Variants in ACP3 observed in about 807,000 individuals in gnomAD.
ACP3 encodes acid phosphatase 3.
Under a neutral mutation model 45.6 loss-of-function variants are expected in ACP3, and 38 were observed. The observed-to-expected ratio is 0.83, with a 90% CI of 0.64 to 1.09. The LOEUF is 1.09. Ranked by LOEUF, ACP3 falls within the 50% of genes least tolerant of loss-of-function variation. The pLI, the probability that ACP3 is intolerant of heterozygous loss-of-function variation, is 0.00. For missense variants in ACP3, 466 were observed against 463.2 expected (o/e 1.01, Z -0.05); for synonymous variants, 162 against 164.7 (o/e 0.98, Z 0.13).
chr3:132,358,777 G>T lies in ACP3; in HGVS notation c.*1899G>T, dbSNP rs374434740. The T allele has an allele frequency of 4.1e-6, 4 of 986,702 alleles. No individual in the cohort carries two copies. The highest frequency in any genetic ancestry group is 1.7e-5 in the African/African-American group (1 of 57,290). 61.1% of individuals were successfully genotyped at this position (986,702 alleles called of 1,614,324 possible). A position where few individuals can be genotyped will look rare whatever the true frequency, so the allele number is the denominator to read the frequency against. Reference sequence around the variant, plus strand: ...AGTTCAAAAGCATTGCTTTTATAATGAACTTAGAAAAACGTATGTGTGTGT... The same window carrying T: ...AGTTCAAAAGCATTGCTTTTATAATTAACTTAGAAAAACGTATGTGTGTGT... On this transcript the variant is annotated 3_prime_UTR_variant, in exon 10 of 10. Coordinates refer to ENST00000336375, the MANE Select transcript of ACP3 (RefSeq NM_001099.5).
rs775025770 is a variant in ACP3 at position 132,332,145 on chromosome 3, C to T, written c.304-47C>T. 8 of 1,612,066 alleles carry T rather than the reference C, an allele frequency of 5.0e-6. No homozygotes were observed. In the South Asian group the frequency reaches 7.7e-5, roughly 16 times the overall value. ...CCTTGGCAGCTCTGTAGAAAAAAACCTCATGCTCCCTTTACGTTCGCTTCT... is the reference window on the plus strand; with the variant it reads ...CCTTGGCAGCTCTGTAGAAAAAAACTTCATGCTCCCTTTACGTTCGCTTCT... On this transcript the variant is annotated intron_variant, in intron 3 of 9. Transcript: ENST00000336375.
intron 1 of ACP3, among the ~76,000 whole-genome samples, chr3:132,319,631 T>G (rs1308598630): frequency 6.6e-6 from 1 of 152,242 alleles, no homozygotes; most frequent in Non-Finnish European, 1.5e-5. Context: ...TTGTAAAACT[T>G]ATTATTCCTA....
chr3:132,362,794 C>T (rs1479474505), downstream of ACP3, among the ~76,000 whole-genome samples: 3 of 152,138 alleles, frequency 2.0e-5, no homozygotes, highest in Non-Finnish European at 4.4e-5. Flanking sequence ...CAGCATAGAG[C>T]ACTTTGGGAA....
At chr3:132,342,681 T>TCCA (rs753937634) in intron 6 of ACP3, 37 bp downstream of exon 6, 1 of 1,236,798 alleles carries the variant, frequency 8.1e-7, no homozygotes, top group Non-Finnish European at 1.2e-6. Flanking sequence ...ACTTGCAATC[T>TCCA]GATTTTATGA....
intron 6 of ACP3, among the ~76,000 whole-genome samples, chr3:132,344,714 T>G (rs1287502503): frequency 6.6e-6 from 1 of 152,146 alleles, no homozygotes; most frequent in Non-Finnish European, 1.5e-5. Flanking sequence ...CCAAAAGCTA[T>G]GGACTGGGTA....
Position 132,357,171 on chromosome 3 carries a change from A to G in ACP3, c.*293A>G. On this transcript the variant is annotated 3_prime_UTR_variant, in exon 10 of 10. Transcript: ENST00000336375. ...TTAGGTCAAAGTTCATAGAGTTCCC[A>G]TGAACTATATGACTGGCCACACAGG... 1 of 1,085,126 alleles carries G rather than the reference A, an allele frequency of 9.2e-7. No homozygotes were observed. Among genetic ancestry groups the G allele is most frequent in the Non-Finnish European group, 1.1e-6 (1 of 892,328 alleles). 67.2% of individuals were successfully genotyped at this position (1,085,126 alleles called of 1,614,324 possible).
At chr3:132,342,266 G>A (rs993306768) in intron 5 of ACP3, among the ~76,000 whole-genome samples, 3 of 152,134 alleles carry the variant, frequency 2.0e-5, no homozygotes, top group African/African-American at 4.8e-5. Context: ...TGACATTATC[G>A]TAACCAATAT....
At chr3:132,363,188 A>C (rs1938074152), downstream of ACP3, among the ~76,000 whole-genome samples, 1 of 152,200 alleles carries the variant, frequency 6.6e-6, no homozygotes, top group Non-Finnish European at 1.5e-5. Context: ...CACATTCAGT[A>C]TTAGCCAGTA....
At chr3:132,327,983 A>C (rs1471774798) in intron 1 of ACP3, among the ~76,000 whole-genome samples, 1 of 152,132 alleles carries the variant, frequency 6.6e-6, no homozygotes, top group Non-Finnish European at 1.5e-5. Flanking sequence ...ACATTACCTG[A>C]AACACAGTGA....
intron 8 of ACP3, 26 bp downstream of exon 8, chr3:132,350,028 A>G (rs1937686635): frequency 2.7e-6 from 4 of 1,501,738 alleles, no homozygotes; most frequent in Admixed American, 1.7e-5. Flanking sequence ...TTCATTTAAC[A>G]TATGTTTGTT....
At chr3:132,340,331 AG>A (rs1225068584) in intron 5 of ACP3, among the ~76,000 whole-genome samples, 3 of 151,632 alleles carry the variant, frequency 2.0e-5, no homozygotes, top group Admixed American at 1.3e-4. Flanking sequence ...AAAAAAAAAA[AG>A]ACCAAATATA....
At chr3:132,365,048 T>C (rs1378910433) in intron 10 of ACP3, among the ~76,000 whole-genome samples, 1 of 152,244 alleles carries the variant, frequency 6.6e-6, no homozygotes, top group Non-Finnish European at 1.5e-5. Context: ...AGAAGCATCC[T>C]GGCATCATCA....
exon 11 of ACP3, chr3:132,368,005 C>T: frequency 3.6e-6 from 2 of 560,900 alleles, no homozygotes; most frequent in Non-Finnish European, 6.4e-6. Context: ...AACACTCAGG[C>T]TACCTAGGTC....
intron 4 of ACP3, among the ~76,000 whole-genome samples, chr3:132,336,121 G>A (rs1056917898): frequency 2.0e-5 from 3 of 152,118 alleles, no homozygotes; most frequent in Admixed American, 6.5e-5. Context: ...TTAGCCAGGC[G>A]TGGTGGCAGG....
Position 132,349,923 on chromosome 3 carries a change from T to C in ACP3, c.785T>C (p.Val262Ala), listed in dbSNP as rs985445451. 8 of 1,610,506 alleles carry C rather than the reference T, an allele frequency of 5.0e-6. No homozygotes were observed. In the African/African-American group the frequency reaches 8.0e-5, roughly 16 times the overall value. The change falls in exon 8 of 10, where the codon GTC becomes GCC. Residue 262 changes from valine (V) to alanine (A), a missense_variant. Coordinates refer to ENST00000336375, the MANE Select transcript of ACP3 (RefSeq NM_001099.5). ...QKEKSRLQGG[V>A]LVNEILNHMK... is the part of the protein sequence containing the mutation. ...TTATTGATTCATCTTCTTTAAGGTG[T>C]CCTGGTCAATGAAATCCTCAATCAC...
In ACP3 at chr3:132,352,710, A is replaced by G. The variant is rs1286329497; in HGVS notation, c.865-10A>G. 1 of 1,596,770 alleles carries G rather than the reference A, an allele frequency of 6.3e-7. No homozygotes were observed. Among genetic ancestry groups the G allele is most frequent in the Admixed American group, 1.7e-5 (1 of 59,958 alleles). On this transcript the variant is annotated splice_polypyrimidine_tract_variant and intron_variant, in intron 8 of 9. Transcript: ENST00000336375. ...TGAACAGGCGATAAAATTGATTTCA[A>G]TCTCTGTAGCATGACACTACTGTGA...
intron 5 of ACP3, among the ~76,000 whole-genome samples, chr3:132,340,570 C>A (rs1262645030): frequency 1.3e-5 from 2 of 152,106 alleles, no homozygotes; most frequent in African/African-American, 4.8e-5. Flanking sequence ...ATATTGAATT[C>A]ATTTACAGTT....
In ACP3 at chr3:132,332,177, A is replaced by C; in HGVS notation, c.304-15A>C. On this transcript the variant is annotated splice_polypyrimidine_tract_variant and intron_variant, in intron 3 of 9. Coordinates refer to ENST00000336375, the MANE Select transcript of ACP3 (RefSeq NM_001099.5). ...TCCCTTTACGTTCGCTTCTGCTTTG[A>C]TTTTCCTACTCTAGGTTTATATTCG... is the stretch of plus-strand genomic sequence containing the variant. 6.2e-7 allele frequency: 1 copy of C among 1,613,922 alleles called. No individual in the cohort carries two copies. The highest frequency in any genetic ancestry group is 8.5e-7 in the Non-Finnish European group (1 of 1,179,952).
intron 6 of ACP3, among the ~76,000 whole-genome samples, chr3:132,344,233 G>A (rs1054167098): frequency 6.3e-4 from 94 of 149,324 alleles, no homozygotes; most frequent in African/African-American, 2.0e-3. Flanking sequence ...AGCTGAAATC[G>A]TGCCACTGCA....
Sources: gnomAD v4.1 joint callset for allele counts (sites outside exome capture counted in the v4.1 genomes callset) on GRCh38, gnomAD v4.1.1 for gene constraint, MANE v1.5 for transcripts, NCBI Gene and HGNC (gene_info 2026-07-23, HGNC 2026-07-21) for gene names.